Variants in STK24 observed in about 807,000 individuals in gnomAD.
The protein encoded by STK24 is serine/threonine-protein kinase 24.
STK24 carries 21 observed loss-of-function variants against 55.6 expected under a neutral mutation model. That is an observed-to-expected ratio of 0.38 (90% CI 0.27 to 0.54). STK24 has a LOEUF of 0.54. Among genes scored for constraint, STK24 ranks in the 20% least tolerant of loss-of-function variants. STK24 has a pLI of 0.79. For missense variants in STK24, 383 were observed against 538.4 expected, an observed-to-expected ratio of 0.71 and a Z score of 2.86; for synonymous variants, 200 against 215.2, an observed-to-expected ratio of 0.93 and a Z score of 0.62.
chr13:98,461,795 T>C lies in STK24; in HGVS notation c.1032A>G (p.Pro344=), dbSNP rs757267381. 5.0e-6 allele frequency: 8 copies of C among 1,614,136 alleles called. No individual in the cohort carries two copies. The South Asian group carries it at 6.6e-5, about 13-fold the overall frequency. ...PKNLENGALQ[P]SDLDRNKMKD... is the part of the protein sequence containing the mutation. ...GTACCTTATTTCTGTCCAAGTCCGA[T>C]GGCTGAAGAGCTCCATTCTCGAGAT... is the stretch of plus-strand genomic sequence containing the variant. Residue 344 remains proline (P), a synonymous_variant, in exon 8 of 11, where the codon CCA becomes CCG. Transcript: ENST00000539966.
intron 1 of STK24, among the ~76,000 whole-genome samples, chr13:98,542,591 A>G (rs1428063968): frequency 6.6e-6 from 1 of 152,210 alleles, no homozygotes; most frequent in Admixed American, 6.5e-5. Context: ...AGACCCAAGA[A>G]ACAGCCTACA....
chr13:98,555,496 A>G (rs909163097), intron 1 of STK24, among the ~76,000 whole-genome samples: 8 of 151,314 alleles, frequency 5.3e-5, no homozygotes, highest in African/African-American at 1.9e-4. Context: ...GCAGAACGGC[A>G]TGAACCCGGG....
At position 98,461,788 on chromosome 13, in the gene STK24, A is replaced by G; in HGVS notation, c.1039T>C (p.Leu347=). ...LENGALQPSD[L]DRNKMKDIPK... ...AGCAGACGTACCTTATTTCTGTCCA[A>G]GTCCGATGGCTGAAGAGCTCCATTC... is the stretch of plus-strand genomic sequence containing the variant. The change falls in exon 8 of 11, where the codon TTG becomes CTG. Residue 347 remains leucine (L), a synonymous_variant. Transcript: ENST00000539966. 1 of 1,614,124 alleles carries G rather than the reference A, an allele frequency of 6.2e-7. No homozygotes were observed. Among genetic ancestry groups the G allele is most frequent in the Non-Finnish European group, 8.5e-7 (1 of 1,179,956 alleles).
chr13:98,559,266 C>T (rs1254378138), intron 1 of STK24, among the ~76,000 whole-genome samples: 1 of 152,124 alleles, frequency 6.6e-6, no homozygotes, highest in African/African-American at 2.4e-5. Flanking sequence ...TCCCATAATC[C>T]CTATGCATTG....
intron 10 of STK24, 182 bp from the exon 11 acceptor site, chr13:98,453,391 T>C (rs1893292944): frequency 1.6e-6 from 1 of 623,836 alleles, no homozygotes; most frequent in Non-Finnish European, 2.7e-6. Flanking sequence ...GAGAAGATCA[T>C]GATTCTTACA....
rs549979587 is a variant in STK24 at position 98,448,276 on chromosome 13, C to T, written c.*4897G>A. 1.4e-5 allele frequency: 23 copies of T among 1,614,084 alleles called. No individual in the cohort carries two copies. The highest frequency in any genetic ancestry group is 8.9e-5 in the East Asian group (4 of 44,884). On this transcript the variant is annotated 3_prime_UTR_variant, in exon 11 of 11. Coordinates refer to ENST00000539966, the MANE Select transcript of STK24 (RefSeq NM_001032296.4). ...CCGCAGTGCCACCAGCTCTGCCTCG[C>T]GACCCCACGTGTTGAGTCACAAAGA...
chr13:98,508,506 CA>C (rs781223200), intron 2 of STK24, among the ~76,000 whole-genome samples: 51 of 152,170 alleles, frequency 3.4e-4, no homozygotes, highest in Non-Finnish European at 5.7e-4. Flanking sequence ...CAACTTACAC[CA>C]CAAGCCCCAC....
At chr13:98,572,531 G>A (rs1387955756) in intron 1 of STK24, among the ~76,000 whole-genome samples, 1 of 152,146 alleles carries the variant, frequency 6.6e-6, no homozygotes, top group Non-Finnish European at 1.5e-5. Context: ...TCATTTCCCA[G>A]ACTCCCAGAG....
At chr13:98,569,658 G>A (rs1345824337) in intron 1 of STK24, among the ~76,000 whole-genome samples, 1 of 151,930 alleles carries the variant, frequency 6.6e-6, no homozygotes, top group Non-Finnish European at 1.5e-5. Context: ...AGTAACTATG[G>A]TTGAGTAATA....
intron 1 of STK24, among the ~76,000 whole-genome samples, chr13:98,522,956 G>A (rs1260686943): frequency 6.6e-6 from 1 of 152,236 alleles, no homozygotes; most frequent in Admixed American, 6.5e-5. Flanking sequence ...CCTGAGGTCA[G>A]GAGAGCCGGT....
At chr13:98,469,820 A>AG (rs765918024) in intron 5 of STK24, among the ~76,000 whole-genome samples, 5 of 152,198 alleles carry the variant, frequency 3.3e-5, no homozygotes, top group Non-Finnish European at 7.3e-5. Flanking sequence ...AACTATGAGT[A>AG]ATTTGGAATC....
At chr13:98,572,891 G>C (rs1594680344) in intron 1 of STK24, among the ~76,000 whole-genome samples, 1 of 152,300 alleles carries the variant, frequency 6.6e-6, no homozygotes, top group East Asian at 1.9e-4. Context: ...GAATCAGTGG[G>C]CTGTGAAATC....
At position 98,460,355 on chromosome 13, in the gene STK24, G is replaced by A. The variant is rs561950943; in HGVS notation, c.1122+17C>T. 1.2e-6 allele frequency: 2 copies of A among 1,611,506 alleles called. No homozygotes were observed. The highest frequency in any genetic ancestry group is 4.5e-5 in the East Asian group (2 of 44,854). On this transcript the variant is annotated intron_variant, in intron 9 of 10. Transcript: ENST00000539966. ...CCCCCTCCCCTCCCACTCCGAAAAG[G>A]CCAGCCAGGTACCTACCTCTGCAAA...
rs1893812734 is a variant in STK24, at chr13:98,463,748, T to A, written c.872A>T (p.Tyr291Phe). 3 of 1,614,126 alleles carry A rather than the reference T, an allele frequency of 1.9e-6. No homozygotes were observed. The highest frequency in any genetic ancestry group is 2.5e-6 in the Non-Finnish European group (3 of 1,180,054). The change falls in exon 7 of 11, where the codon TAC (tyrosine) becomes TTC (phenylalanine). Residue 291 changes from tyrosine to phenylalanine, a missense_variant. Physicochemically the swap from Tyr to Phe is conservative, Grantham distance 22. Coordinates refer to ENST00000539966, the MANE Select transcript of STK24 (RefSeq NM_001032296.4). Reference protein sequence around the residue: ...TSYLTELIDRYKRWKAEQSHD... With the variant: ...TSYLTELIDRFKRWKAEQSHD... ...GCTCTGCTCGGCCTTCCATCTCTTG[T>A]ACCTGTCGATGAGCTCGGTCAAGTA...
chr13:98,544,806 C>T (rs1287853970), intron 1 of STK24, among the ~76,000 whole-genome samples: 2 of 152,182 alleles, frequency 1.3e-5, no homozygotes, highest in African/African-American at 4.8e-5. Flanking sequence ...ATTCGGAGCA[C>T]CTTTTAAGTC....
chr13:98,468,399 T>C lies in STK24; in HGVS notation c.598-1838A>G, dbSNP rs1302684747. 2.0e-5 allele frequency among the ~76,000 whole-genome samples: 3 copies of C among 152,250 alleles called. No individual in the cohort carries two copies. In the East Asian group the frequency reaches 5.8e-4, roughly 29 times the overall value. ...TCTTAAAAATCAGCAGAAATGCAAC[T>C]GATCCCAGTCTCTTGCCCCTAGGAG... On this transcript the variant is annotated intron_variant, in intron 5 of 10. Coordinates refer to ENST00000539966, the MANE Select transcript of STK24 (RefSeq NM_001032296.4).
intron 5 of STK24, among the ~76,000 whole-genome samples, chr13:98,469,205 G>A (rs542448309): frequency 1.3e-5 from 2 of 152,248 alleles, no homozygotes; most frequent in African/African-American, 2.4e-5. Flanking sequence ...CGCAACCCAC[G>A]TATCAGTCTC....
intron 2 of STK24, among the ~76,000 whole-genome samples, chr13:98,499,575 C>T (rs868067632): frequency 5.3e-5 from 8 of 152,234 alleles, no homozygotes; most frequent in Middle Eastern, 3.4e-3. Flanking sequence ...GGGTGGGGTG[C>T]GTCATCGCTT....
intron 1 of STK24, among the ~76,000 whole-genome samples, chr13:98,525,110 G>A (rs1218440138): frequency 1.3e-5 from 2 of 152,362 alleles, no homozygotes; most frequent in Admixed American, 6.5e-5. Context: ...TGTCCCCCAT[G>A]GCCAGAAGAA....
Sources: gnomAD v4.1 joint callset for allele counts (sites outside exome capture counted in the v4.1 genomes callset) on GRCh38, gnomAD v4.1.1 for gene constraint, MANE v1.5 for transcripts, NCBI Gene and HGNC (gene_info 2026-07-23, HGNC 2026-07-21) for gene names.